BAZ1B: variants seen among roughly 807,000 people sequenced by gnomAD.
The protein encoded by BAZ1B is bromodomain adjacent to zinc finger domain 1B.
BAZ1B carries 22 observed loss-of-function variants against 153.8 expected under a neutral mutation model. That is an observed-to-expected ratio of 0.14 (90% CI 0.10 to 0.20). BAZ1B has a LOEUF of 0.20. BAZ1B is among the 10% of genes least tolerant of loss of function. The pLI is 1.00. For missense variants in BAZ1B, 1,325 were observed against 1,799.3 expected (o/e 0.74, Z 4.77); for synonymous variants, 676 against 633.4 (o/e 1.07, Z -1.01).
intron 13 of BAZ1B, among the ~76,000 whole-genome samples, chr7:73,457,480 G>A (rs904933307): frequency 2.0e-5 from 3 of 152,004 alleles, no homozygotes; most frequent in African/African-American, 7.2e-5. Context: ...GCCCGGCCGG[G>A]ACTCATTTGT....
At chr7:73,447,965 C>A (rs543945357) in intron 15 of BAZ1B, among the ~76,000 whole-genome samples, 1 of 152,300 alleles carries the variant, frequency 6.6e-6, no homozygotes, top group South Asian at 2.1e-4. Context: ...AAAGAACCTG[C>A]TAATACTGTT....
chr7:73,480,524 G>A (rs1467594833), intron 6 of BAZ1B, among the ~76,000 whole-genome samples: 1 of 152,134 alleles, frequency 6.6e-6, no homozygotes, highest in African/African-American at 2.4e-5. Flanking sequence ...CCAAAATACA[G>A]CCCATTTCAG....
chr7:73,461,596 T>C (rs1201528610), intron 12 of BAZ1B, among the ~76,000 whole-genome samples: 6 of 152,170 alleles, frequency 3.9e-5, no homozygotes, highest in African/African-American at 1.4e-4. Flanking sequence ...TTTAAATCCT[T>C]TTCCCCAGGA....
intron 11 of BAZ1B, chr7:73,463,988 G>A: frequency 4.9e-6 from 2 of 412,346 alleles, no homozygotes; most frequent in Non-Finnish European, 6.5e-6. Context: ...TTACAGGCGT[G>A]AGCCACCGCG....
chr7:73,464,739 T>G (rs1459536463), intron 11 of BAZ1B, among the ~76,000 whole-genome samples: 2 of 152,220 alleles, frequency 1.3e-5, no homozygotes, highest in African/African-American at 4.8e-5. Context: ...TGTTTCATTT[T>G]GTATGAGACA....
intron 1 of BAZ1B, among the ~76,000 whole-genome samples, chr7:73,511,349 T>C (rs778511685): frequency 3.3e-5 from 5 of 151,742 alleles, no homozygotes; most frequent in Admixed American, 1.3e-4. Flanking sequence ...ATAATGAGAA[T>C]GGATTGTCAT....
chr7:73,514,517 G>A (rs1306652554), intron 1 of BAZ1B, among the ~76,000 whole-genome samples: 1 of 147,372 alleles, frequency 6.8e-6, no homozygotes, highest in African/African-American at 2.5e-5. Context: ...TGGGCAACAA[G>A]AGTGAAACTC....
In BAZ1B at chr7:73,442,471, A is replaced by G; in HGVS notation, c.4177T>C (p.Cys1393Arg). Residue 1393 changes from cysteine to arginine, a missense_variant, in exon 19 of 20, where the codon TGT (cysteine) becomes CGT (arginine). Physicochemically the swap from Cys to Arg is radical, Grantham distance 180. This residue lies in a region of BAZ1B where 271 missense variants were observed against 337.2 expected (regional missense o/e 0.80). Coordinates refer to ENST00000339594, the MANE Select transcript of BAZ1B (RefSeq NM_032408.4). Reference protein sequence around the residue: ...PMDFQTVQNKCSCGSYRSVQE... With the variant: ...PMDFQTVQNKRSCGSYRSVQE... ...ACAGAGCGGTAGCTCCCACAGGAAC[A>G]TTTGTTCTGCACTGTCTGAAAGTCC... The G allele has an allele frequency of 6.2e-7, 1 of 1,614,202 alleles. No homozygotes were observed. Among genetic ancestry groups the G allele is most frequent in the Non-Finnish European group, 8.5e-7 (1 of 1,180,040 alleles).
Position 73,442,775 on chromosome 7 carries a change from A to G in BAZ1B, c.4044T>C (p.Cys1348=). The part of the protein sequence containing the change: ...SRRQSLELQK[C]EEILHKIVKY... ...TCACGATCTTGTGGAGGATCTCTTC[A>G]CACTTCTGCAGCTCCAGGCTTTGCC... The change falls in exon 18 of 20, where the codon TGT becomes TGC. Residue 1348 remains cysteine (C), a synonymous_variant. Coordinates refer to ENST00000339594, the MANE Select transcript of BAZ1B (RefSeq NM_032408.4). 6.2e-7 allele frequency: 1 copy of G among 1,614,234 alleles called. No individual in the cohort carries two copies.
Position 73,478,512 on chromosome 7 carries a change from G to T in BAZ1B, c.949C>A (p.Pro317Thr). 11 of 1,589,128 alleles carry T rather than the reference G, an allele frequency of 6.9e-6. No individual in the cohort carries two copies. Among genetic ancestry groups the T allele is most frequent in the Non-Finnish European group, 9.4e-6 (11 of 1,169,352 alleles). Residue 317 changes from proline (P) to threonine (T), a missense_variant, in exon 7 of 20, where the codon CCC (proline) becomes ACC (threonine). Physicochemically the swap from Pro to Thr is conservative, Grantham distance 38. Coordinates refer to ENST00000339594, the MANE Select transcript of BAZ1B (RefSeq NM_032408.4). Reference protein sequence around the residue: ...RKNTGSPDRKPSKKSKTDNSS... With the variant: ...RKNTGSPDRKTSKKSKTDNSS... The stretch of plus-strand genomic sequence containing the variant: ...TTGTCTGTCTTGGATTTCTTTGAGG[G>T]CTTCCTGTCTGGGGATCCAGTATTC...
intron 13 of BAZ1B, among the ~76,000 whole-genome samples, chr7:73,456,059 A>G (rs530611942): frequency 2.0e-5 from 3 of 152,328 alleles, no homozygotes; most frequent in South Asian, 4.1e-4. Flanking sequence ...ACAATAATAA[A>G]GCATGCTACA....
intron 11 of BAZ1B, 70 bp from the exon 12 acceptor site, chr7:73,463,169 C>T (rs1788454923): frequency 1.5e-6 from 2 of 1,369,328 alleles, no homozygotes; most frequent in East Asian, 2.4e-5. Context: ...ATTTCAATTA[C>T]TTAACATGTT....
At position 73,521,882 on chromosome 7, in the gene BAZ1B, C is replaced by T. The variant is rs1554580299; in HGVS notation, c.52G>A (p.Gly18Arg). 1 of 1,504,084 alleles carries T rather than the reference C, an allele frequency of 6.6e-7. No individual in the cohort carries two copies. The highest frequency in any genetic ancestry group is 1.2e-5 in the South Asian group (1 of 81,374). 93.2% of individuals were successfully genotyped at this position (1,504,084 alleles called of 1,614,324 possible). A position where few individuals can be genotyped will look rare whatever the true frequency, so the allele number is the denominator to read the frequency against. Reference protein sequence around the residue: ...KPFPLVKPLPGEEPLFTIPHT... With the variant: ...KPFPLVKPLPREEPLFTIPHT... ...GGGATGGTGAAGAGCGGCTCCTCTC[C>T]GGGCAACGGCTTCACCAGCGGGAAG... is the stretch of plus-strand genomic sequence containing the variant. The change falls in exon 1 of 20, where the codon GGA becomes AGA. Residue 18 changes from glycine (G) to arginine (R), a missense_variant. By Grantham distance (125) the Gly-to-Arg change is moderately radical (BLOSUM62 -2). Coordinates refer to ENST00000339594, the MANE Select transcript of BAZ1B (RefSeq NM_032408.4).
At chr7:73,485,412 G>A (rs139996866) in intron 6 of BAZ1B, among the ~76,000 whole-genome samples, 133 of 152,050 alleles carry the variant, frequency 8.7e-4, no homozygotes, top group African/African-American at 3.1e-3. Context: ...CTTGAGACCA[G>A]GAGCTCAAGA....
intron 6 of BAZ1B, among the ~76,000 whole-genome samples, chr7:73,482,369 TAAG>T (rs1789236018): frequency 6.6e-6 from 1 of 152,138 alleles, no homozygotes; most frequent in African/African-American, 2.4e-5. Flanking sequence ...TGGCAGGAAA[TAAG>T]AACAAATGTG....
chr7:73,470,217 T>C (rs2116314187), intron 8 of BAZ1B, 128 bp downstream of exon 8: 2 of 1,106,228 alleles, frequency 1.8e-6, no homozygotes, highest in Non-Finnish European at 2.5e-6. Flanking sequence ...CATCAACAAT[T>C]CTGTTTCCAA....
intron 3 of BAZ1B, among the ~76,000 whole-genome samples, chr7:73,505,375 G>A (rs149427093): frequency 6.6e-6 from 1 of 152,260 alleles, no homozygotes; most frequent in Non-Finnish European, 1.5e-5. Flanking sequence ...GAAAGTCTAG[G>A]TCTTGACAAT....
intron 4 of BAZ1B, among the ~76,000 whole-genome samples, chr7:73,495,301 A>G (rs1789832327): frequency 6.6e-6 from 1 of 152,168 alleles, no homozygotes; most frequent in African/African-American, 2.4e-5. Context: ...ATAAATAAAT[A>G]AATAAATTGC....
intron 1 of BAZ1B, among the ~76,000 whole-genome samples, chr7:73,521,202 G>A (rs1360423356): frequency 2.0e-5 from 3 of 152,132 alleles, no homozygotes; most frequent in East Asian, 3.9e-4. Flanking sequence ...CTCCTCCACA[G>A]GCAGTTTCCT....
Sources: allele counts gnomAD v4.1 joint callset (sites outside exome capture counted in the v4.1 genomes callset), GRCh38; gene constraint gnomAD v4.1.1; regional missense constraint gnomAD v4.1.1; transcripts MANE v1.5; gene names NCBI Gene and HGNC (gene_info 2026-07-23, HGNC 2026-07-21).